The following MUC7 variants were observed in gnomAD, a reference collection of about 807,000 sequenced individuals.
MUC7 encodes mucin 7, secreted.
A neutral mutation model predicts 2.5 loss-of-function variants in MUC7; 2 were observed. The ratio of observed to expected loss-of-function variants is 0.81; its 90% CI spans 0.33 to 2.55. MUC7 has a LOEUF of 2.55. Ranked by LOEUF, MUC7 falls within the 30% of genes most tolerant of loss-of-function variation. MUC7 has a pLI of 0.11. For missense variants in MUC7, 408 were observed against 455.6 expected (o/e 0.90, Z 0.95); for synonymous variants, 133 against 173.4 (o/e 0.77, Z 1.83).
intron 1 of MUC7, among the ~76,000 whole-genome samples, chr4:70,450,658 A>T (rs903395211): frequency 2.6e-5 from 4 of 152,156 alleles, no homozygotes; most frequent in Non-Finnish European, 5.9e-5. Context: ...TTCAGTTAGC[A>T]GGTGATAAAT....
chr4:70,464,383 C>T (rs1044260777), intron 1 of MUC7, among the ~76,000 whole-genome samples: 1 of 152,116 alleles, frequency 6.6e-6, no homozygotes, highest in African/African-American at 2.4e-5. Context: ...GCACCTGGAA[C>T]ACCAGTGAGA....
At chr4:70,433,953 G>T (rs183799949) in intron 1 of MUC7, among the ~76,000 whole-genome samples, 3 of 152,032 alleles carry the variant, frequency 2.0e-5, no homozygotes, top group Non-Finnish European at 4.4e-5. Context: ...GAATTTTGTC[G>T]AAGGCCTTTT....
intron 1 of MUC7, among the ~76,000 whole-genome samples, chr4:70,467,120 C>T (rs567752852): frequency 1.0e-3 from 158 of 152,298 alleles, no homozygotes; most frequent in African/African-American, 3.4e-3. Context: ...CAAAACTGCA[C>T]AACTACATGG....
At chr4:70,445,201 T>C (rs1186404836) in intron 1 of MUC7, among the ~76,000 whole-genome samples, 2 of 152,172 alleles carry the variant, frequency 1.3e-5, no homozygotes, top group East Asian at 3.9e-4. Context: ...CAGCTACCAT[T>C]GTATCAATGA....
chr4:70,460,956 G>T (rs769203814), intron 1 of MUC7, among the ~76,000 whole-genome samples: 1 of 152,194 alleles, frequency 6.6e-6, no homozygotes, highest in Admixed American at 6.5e-5. Context: ...AGATCACTGC[G>T]TATGCTAGTT....
intron 1 of MUC7, among the ~76,000 whole-genome samples, chr4:70,447,577 C>A (rs941690817): frequency 6.6e-6 from 1 of 152,080 alleles, no homozygotes; most frequent in Non-Finnish European, 1.5e-5. Flanking sequence ...CATTTATATA[C>A]CATAGACATG....
chr4:70,444,776 G>T (rs1054896239), intron 1 of MUC7, among the ~76,000 whole-genome samples: 15 of 152,142 alleles, frequency 9.9e-5, no homozygotes, highest in Non-Finnish European at 4.4e-5. Flanking sequence ...TTTGGGCCAG[G>T]TGCGGTGGCT....
At chr4:70,432,147 T>C (rs1307603236) in intron 1 of MUC7, among the ~76,000 whole-genome samples, 1 of 152,230 alleles carries the variant, frequency 6.6e-6, no homozygotes, top group Non-Finnish European at 1.5e-5. Flanking sequence ...CAGTCTATCA[T>C]TGATGGACAT....
chr4:70,462,528 G>A (rs189818600), intron 1 of MUC7, among the ~76,000 whole-genome samples: 1 of 152,114 alleles, frequency 6.6e-6, no homozygotes, highest in Admixed American at 6.5e-5. Context: ...AAAAGGAAAA[G>A]GACTTAGATA....
intron 2 of MUC7, among the ~76,000 whole-genome samples, chr4:70,474,978 T>C (rs1191631080): frequency 1.3e-5 from 2 of 152,028 alleles, no homozygotes; most frequent in Non-Finnish European, 2.9e-5. Context: ...GTATATGTGG[T>C]AAAAGAAAGA....
chr4:70,455,668 C>T (rs999357763), intron 1 of MUC7, among the ~76,000 whole-genome samples: 1 of 152,126 alleles, frequency 6.6e-6, no homozygotes, highest in African/African-American at 2.4e-5. Context: ...TATTTATTCT[C>T]ACAGACTCTC....
intron 2 of MUC7, among the ~76,000 whole-genome samples, chr4:70,474,718 A>G (rs1468802345): frequency 6.6e-6 from 1 of 152,066 alleles, no homozygotes; most frequent in African/African-American, 2.4e-5. Flanking sequence ...CTTGGTGTGG[A>G]ATATGGTTTC....
At chr4:70,474,836 C>G (rs1210413636) in intron 2 of MUC7, among the ~76,000 whole-genome samples, 1 of 152,034 alleles carries the variant, frequency 6.6e-6, no homozygotes, top group African/African-American at 2.4e-5. Context: ...GATAAGGAGA[C>G]TAGTCAGGAA....
At chr4:70,445,286 C>T (rs528157767) in intron 1 of MUC7, among the ~76,000 whole-genome samples, 102 of 152,248 alleles carry the variant, frequency 6.7e-4, no homozygotes, top group Middle Eastern at 6.8e-3. Flanking sequence ...ATATTACCTT[C>T]CTTGAAACCA....
At chr4:70,459,005 T>C (rs77199459) in intron 1 of MUC7, among the ~76,000 whole-genome samples, 11,321 of 152,238 alleles carry the variant, frequency 0.074, 640 homozygotes, top group East Asian at 0.2. Context: ...AAACTATATG[T>C]ACTTAACTTT....
chr4:70,477,631 C>T (rs181180994), intron 2 of MUC7, among the ~76,000 whole-genome samples: 3 of 152,092 alleles, frequency 2.0e-5, no homozygotes, highest in African/African-American at 7.2e-5. Flanking sequence ...TTCCTCATGT[C>T]TTCTCCCTCT....
chr4:70,455,796 C>T (rs1176325433), intron 1 of MUC7, among the ~76,000 whole-genome samples: 1 of 152,138 alleles, frequency 6.6e-6, no homozygotes, highest in African/African-American at 2.4e-5. Flanking sequence ...ACTCCGTATA[C>T]TTTTAACAAC....
chr4:70,460,706 C>A (rs1734532796), intron 1 of MUC7, among the ~76,000 whole-genome samples: 1 of 152,010 alleles, frequency 6.6e-6, no homozygotes, highest in Non-Finnish European at 1.5e-5. Flanking sequence ...TACTGAGGAC[C>A]CTGCAGTGCC....
At chr4:70,478,492 T>C (rs567982857) in intron 2 of MUC7, among the ~76,000 whole-genome samples, 2 of 152,304 alleles carry the variant, frequency 1.3e-5, no homozygotes, top group South Asian at 4.1e-4. Flanking sequence ...AATCATTTTA[T>C]AAATGAATAA....
Sources: gnomAD v4.1 joint callset for allele counts (sites outside exome capture counted in the v4.1 genomes callset) on GRCh38, gnomAD v4.1.1 for gene constraint, MANE v1.5 for transcripts, NCBI Gene and HGNC (gene_info 2026-07-23, HGNC 2026-07-21) for gene names.